Variants in ITIH6 observed in about 807,000 individuals in gnomAD.
ITIH6 encodes the protein inter-alpha-trypsin inhibitor heavy chain family member 6.
ITIH6 carries 60 observed loss-of-function variants against 58.2 expected under a neutral mutation model. The ratio of observed to expected loss-of-function variants is 1.03; its 90% confidence interval spans 0.84 to 1.28. ITIH6 has a LOEUF of 1.28. Among genes scored for constraint, ITIH6 ranks in the 50% most tolerant of loss-of-function variants. The pLI is 0.00. For missense variants in ITIH6, 1,290 were observed against 1,021.1 expected, an observed-to-expected ratio of 1.26 and a Z score of -3.59; for synonymous variants, 493 against 417.4, an observed-to-expected ratio of 1.18 and a Z score of -2.21.
At chrX:54,759,691 A>G in intron 7 of ITIH6, 65 bp downstream of exon 7, 1 of 929,763 alleles carries the variant, frequency 1.1e-6, no homozygotes, top group Non-Finnish European at 1.5e-6. Flanking sequence ...GAATGAAGAG[A>G]GGGTTTCAGG....
chrX:54,796,287 A>C (rs909754708), intron 2 of ITIH6, among the ~76,000 whole-genome samples: 2 of 112,418 alleles, frequency 1.8e-5, no homozygotes, highest in African/African-American at 3.2e-5. Flanking sequence ...GCACCAGGAA[A>C]TGTTTGTTTA....
At chrX:54,762,423 T>C (rs968688475) in intron 6 of ITIH6, among the ~76,000 whole-genome samples, 1 of 111,815 alleles carries the variant, frequency 8.9e-6, no homozygotes, top group East Asian at 2.8e-4. Flanking sequence ...TCAATGACTT[T>C]GCATGCTTTG....
chrX:54,757,293 G>T lies in ITIH6; in HGVS notation c.2781C>A (p.Leu927=), dbSNP rs775053305. 8.4e-7 allele frequency: 1 copy of T among 1,195,036 alleles called. No individual in the cohort carries two copies. Among genetic ancestry groups the T allele is most frequent in the Admixed American group, 2.2e-5 (1 of 44,545 alleles). Residue 927 remains leucine (L), a synonymous_variant, in exon 8 of 13, where the codon CTC becomes CTA. Transcript: ENST00000218436. ...TTTTSVLGEP[L]PMPFTPTLPP... ...GCAGAGTGGGAGTAAAGGGCATGGGGAGGGGTTCTCCAAGGACAGAGGTGG... is the reference window on the plus strand; with the variant it reads ...GCAGAGTGGGAGTAAAGGGCATGGGTAGGGGTTCTCCAAGGACAGAGGTGG...
chrX:54,790,823 T>C lies in ITIH6; in HGVS notation c.616+14A>G. 2 of 1,211,617 alleles carry C rather than the reference T, an allele frequency of 1.7e-6. No individual in the cohort carries two copies. Among genetic ancestry groups the C allele is most frequent in the Non-Finnish European group, 2.2e-6 (2 of 894,993 alleles). ...GGCCAGTCTGATGGGTGACCCATAG[T>C]GCTGCCCACATACTTGCATGGGCAT... On this transcript the variant is annotated intron_variant, in intron 4 of 12. Coordinates refer to ENST00000218436, the MANE Select transcript of ITIH6 (RefSeq NM_198510.3).
chrX:54,753,974 G>A lies in ITIH6; in HGVS notation c.3203-9C>T. On this transcript the variant is annotated splice_polypyrimidine_tract_variant and intron_variant, in intron 9 of 12. Coordinates refer to ENST00000218436, the MANE Select transcript of ITIH6 (RefSeq NM_198510.3). ...GATGCTAGGCAATGTGCCTGCAAAG[G>A]AGAGAGAGACTGTGTTGGGAAGGGA... 16 of 1,207,348 alleles carry A rather than the reference G, an allele frequency of 1.3e-5. No homozygotes were observed. The highest frequency in any genetic ancestry group is 1.8e-5 in the Non-Finnish European group (16 of 892,286).
Position 54,753,709 on chromosome X carries a change from G to T in ITIH6, c.3294C>A (p.Cys1098Ter), listed in dbSNP as rs750664530. Residue 1098 changes from cysteine (C) to a stop codon, truncating the protein, a stop_gained, in exon 11 of 13, where the codon TGC becomes TGA. Transcript: ENST00000218436. LOFTEE classifies it high-confidence loss of function. ...IQIPHSEEKI[C>*]FTLNGHPGDL... Reference sequence around the variant, plus strand: ...CCCCAGGGTGCCCATTCAGTGTGAAGCAGATCTTCTCTTCTGAGTGTGGGA... The same window carrying T: ...CCCCAGGGTGCCCATTCAGTGTGAATCAGATCTTCTCTTCTGAGTGTGGGA... 8.3e-7 allele frequency: 1 copy of T among 1,211,521 alleles called. No individual in the cohort carries two copies. Among genetic ancestry groups the T allele is most frequent in the South Asian group, 1.8e-5 (1 of 56,954 alleles).
At position 54,788,714 on chromosome X, in the gene ITIH6, A is replaced by G. The variant is rs1379342724; in HGVS notation, c.617-65T>C. On this transcript the variant is annotated intron_variant, in intron 4 of 12. Coordinates refer to ENST00000218436, the MANE Select transcript of ITIH6 (RefSeq NM_198510.3). Reference sequence around the variant, plus strand: ...GACTCGCAAGACAGAAGAACCAGGGAAAGGGCAGCACAAAGGGTGCTATCT... The same window carrying G: ...GACTCGCAAGACAGAAGAACCAGGGGAAGGGCAGCACAAAGGGTGCTATCT... The G allele has an allele frequency of 3.2e-6, 3 of 936,120 alleles. No individual in the cohort carries two copies. In the East Asian group the frequency reaches 9.5e-5, roughly 30 times the overall value. The allele number at this position is 936,120 out of a possible 1,213,427, so 77.1% of individuals were successfully genotyped here.
Position 54,748,929 on chromosome X carries a change from C to T in ITIH6, c.*966G>A, listed in dbSNP as rs1193194022. On this transcript the variant is annotated 3_prime_UTR_variant, in exon 13 of 13. Coordinates refer to ENST00000218436, the MANE Select transcript of ITIH6 (RefSeq NM_198510.3). Reference sequence around the variant, plus strand: ...CCAGAGAGCATCTGTTCCTTTTTCTCTGAGTTTATGTCCCTGATTCTGCCA... The same window carrying T: ...CCAGAGAGCATCTGTTCCTTTTTCTTTGAGTTTATGTCCCTGATTCTGCCA... 1 of 111,664 alleles carries T rather than the reference C, an allele frequency of 9.0e-6. No homozygotes were observed. The highest frequency in any genetic ancestry group is 1.9e-5 in the Non-Finnish European group (1 of 53,162). The allele number at this position is 111,664 out of a possible 1,213,427, so 9.2% of individuals were successfully genotyped here.
In ITIH6 at chrX:54,758,886, C is replaced by G. The variant is rs148017341; in HGVS notation, c.1188G>C (p.Thr396=). ...TCACGCCGGCCGTGGGCTCCCCATCCGTCAGGAAGATGATAAGAGGGATCC... is the reference window on the plus strand; with the variant it reads ...TCACGCCGGCCGTGGGCTCCCCATCGGTCAGGAAGATGATAAGAGGGATCC... ...VGRIPLIIFL[T]DGEPTAGVTT... The change falls in exon 8 of 13, where the codon ACG becomes ACC. Residue 396 remains threonine (T), a synonymous_variant. Transcript: ENST00000218436. 1 of 1,209,050 alleles carries G rather than the reference C, an allele frequency of 8.3e-7. No homozygotes were observed. Among genetic ancestry groups the G allele is most frequent in the African/African-American group, 1.8e-5 (1 of 57,100 alleles).
rs1928520525 is a variant in ITIH6 at position 54,757,537 on chromosome X, A to T, written c.2537T>A (p.Leu846Ter). The T allele has an allele frequency of 1.7e-6, 2 of 1,208,283 alleles. No individual in the cohort carries two copies. The highest frequency in any genetic ancestry group is 2.2e-6 in the Non-Finnish European group (2 of 894,597). The change falls in exon 8 of 13, where the codon TTG (leucine) becomes TAG (stop). Residue 846 changes from leucine to a stop codon, truncating the protein, a stop_gained. Transcript: ENST00000218436. LOFTEE classifies it high-confidence loss of function. Reference protein sequence around the residue: ...NMPHLGPGILLSKTPKILLSL... With the variant: ...NMPHLGPGIL Reference sequence around the variant, plus strand: ...TAATAAGATTTTAGGGGTCTTGGACAAGAGGATTCCAGGCCCCAGGTGTGG... The same window carrying T: ...TAATAAGATTTTAGGGGTCTTGGACTAGAGGATTCCAGGCCCCAGGTGTGG...
intron 9 of ITIH6, 110 bp downstream of exon 9, chrX:54,754,907 T>C (rs1259931665): frequency 5.4e-6 from 3 of 553,805 alleles, no homozygotes; most frequent in African/African-American, 2.3e-5. Context: ...TACACAACAA[T>C]AGAAAACTAA....
At chrX:54,781,363 G>A (rs1309222758) in intron 5 of ITIH6, among the ~76,000 whole-genome samples, 1 of 111,508 alleles carries the variant, frequency 9.0e-6, no homozygotes, top group African/African-American at 3.3e-5. Context: ...GCATCTATAA[G>A]GAACTTAAAC....
At chrX:54,772,435 C>T (rs1569544133) in intron 6 of ITIH6, among the ~76,000 whole-genome samples, 1 of 111,954 alleles carries the variant, frequency 8.9e-6, no homozygotes, top group Non-Finnish European at 1.9e-5. Context: ...AATCTGTACA[C>T]CAAAAACCTG....
chrX:54,794,244 CTG>C (rs1043907291), intron 2 of ITIH6, among the ~76,000 whole-genome samples: 10 of 110,717 alleles, frequency 9.0e-5, no homozygotes, highest in Non-Finnish European at 1.9e-4. Flanking sequence ...ACTGGGGCCT[CTG>C]TGTGTGTGCT....
In ITIH6 at chrX:54,792,049, G is replaced by A. The variant is rs753388139; in HGVS notation, c.258-13C>T. 9.0e-7 allele frequency: 1 copy of A among 1,116,287 alleles called. No individual in the cohort carries two copies. Among genetic ancestry groups the A allele is most frequent in the Non-Finnish European group, 1.2e-6 (1 of 809,016 alleles). 92.0% of individuals were successfully genotyped at this position (1,116,287 alleles called of 1,213,427 possible). A position where few individuals can be genotyped will look rare whatever the true frequency, so the allele number is the denominator to read the frequency against. On this transcript the variant is annotated splice_polypyrimidine_tract_variant and intron_variant, in intron 2 of 12. Coordinates refer to ENST00000218436, the MANE Select transcript of ITIH6 (RefSeq NM_198510.3). ...ATTGTTGATGGTCCTAATGGGGCAG[G>A]AAAGAGGAGGGACAGTAGAGACAGA...
intron 5 of ITIH6, among the ~76,000 whole-genome samples, chrX:54,786,102 C>T (rs1173123803): frequency 1.8e-5 from 2 of 112,187 alleles, no homozygotes; most frequent in Admixed American, 9.4e-5. Flanking sequence ...TGTACTGCCC[C>T]CACGTGGCCC....
intron 5 of ITIH6, among the ~76,000 whole-genome samples, chrX:54,774,451 A>G (rs961778831): frequency 4.5e-4 from 51 of 113,133 alleles, no homozygotes; most frequent in Non-Finnish European, 8.6e-4. Context: ...CTTGTAGCCC[A>G]GGACTCCAAG....
At position 54,753,691 on chromosome X, in the gene ITIH6, G is replaced by C. The variant is rs758900229; in HGVS notation, c.3312C>G (p.His1104Gln). 2 of 1,211,275 alleles carry C rather than the reference G, an allele frequency of 1.7e-6. No individual in the cohort carries two copies. Among genetic ancestry groups the C allele is most frequent in the Admixed American group, 4.3e-5 (2 of 46,018 alleles). The stretch of plus-strand genomic sequence containing the variant: ...CTATGAGCTGCAGCAAGTCCCCAGG[G>C]TGCCCATTCAGTGTGAAGCAGATCT... ...EEKICFTLNG[H>Q]PGDLLQLIED... is the part of the protein sequence containing the mutation. Residue 1104 changes from histidine (H) to glutamine (Q), a missense_variant, in exon 11 of 13, where the codon CAC becomes CAG. Physicochemically the swap from His to Gln is conservative, Grantham distance 24. Coordinates refer to ENST00000218436, the MANE Select transcript of ITIH6 (RefSeq NM_198510.3).
chrX:54,788,414 G>A (rs1413015405), intron 5 of ITIH6, 66 bp downstream of exon 5: 1 of 985,214 alleles, frequency 1.0e-6, no homozygotes, highest in Non-Finnish European at 1.4e-6. Flanking sequence ...CAGCTGGAGA[G>A]GCCTAATGCT....
Sources: allele counts gnomAD v4.1 joint callset (sites outside exome capture counted in the v4.1 genomes callset), GRCh38; gene constraint gnomAD v4.1.1; transcripts MANE v1.5; gene names NCBI Gene and HGNC (gene_info 2026-07-23, HGNC 2026-07-21).